The following NRG3 variants were observed in gnomAD, a reference collection of about 807,000 sequenced individuals.
The protein encoded by NRG3 is pro-neuregulin-3, membrane-bound isoform.
A neutral mutation model predicts 66.9 loss-of-function variants in NRG3; 31 were observed. The observed-to-expected ratio is 0.46, with a 90% CI of 0.35 to 0.63. The LOEUF is 0.63. Ranked by LOEUF, NRG3 falls within the 20% of genes least tolerant of loss-of-function variation. NRG3 has a pLI of 0.00. For synonymous variants in NRG3, 393 were observed against 359.4 expected (o/e 1.09, Z -1.06); for missense variants, 910 against 878.9 (o/e 1.04, Z -0.45).
intron 1 of NRG3, among the ~76,000 whole-genome samples, chr10:81,936,710 C>T (rs983440702): frequency 4.6e-5 from 7 of 152,074 alleles, no homozygotes; most frequent in Non-Finnish European, 8.8e-5. Flanking sequence ...CTGCTATAGT[C>T]AGGGTATGGG....
At chr10:81,889,083 A>G (rs750468100) in intron 1 of NRG3, 1 of 152,190 alleles carries the variant, frequency 6.6e-6, no homozygotes, top group Admixed American at 6.5e-5. Context: ...ACCCAAAATA[A>G]CAGCTTTCAA....
chr10:82,525,762 A>G (rs1846634460), intron 2 of NRG3, among the ~76,000 whole-genome samples: 1 of 152,000 alleles, frequency 6.6e-6, no homozygotes. Flanking sequence ...TATGGGAATT[A>G]TCAGAGACAG....
chr10:82,240,305 A>T (rs933614891), intron 1 of NRG3, among the ~76,000 whole-genome samples: 3 of 152,208 alleles, frequency 2.0e-5, no homozygotes, highest in Non-Finnish European at 2.9e-5. Context: ...ATGCATTTGA[A>T]TAAAAAAAAT....
chr10:82,578,524 A>G (rs1490549394), intron 2 of NRG3, among the ~76,000 whole-genome samples: 4 of 151,488 alleles, frequency 2.6e-5, no homozygotes, highest in African/African-American at 9.7e-5. Flanking sequence ...TAGTTTGCCA[A>G]TCTCGTTTAT....
chr10:82,073,466 G>A (rs1449681719), intron 1 of NRG3, among the ~76,000 whole-genome samples: 1 of 152,088 alleles, frequency 6.6e-6, no homozygotes, highest in African/African-American at 2.4e-5. Flanking sequence ...TTGACATTCT[G>A]TATATAAAAT....
chr10:82,936,414 T>G (rs368364982), intron 4 of NRG3, among the ~76,000 whole-genome samples: 1 of 152,136 alleles, frequency 6.6e-6, no homozygotes, highest in East Asian at 1.9e-4. Flanking sequence ...CTCATGGAAA[T>G]TGAGAATAGA....
chr10:82,821,241 C>G (rs1026697808), intron 3 of NRG3, among the ~76,000 whole-genome samples: 1 of 152,172 alleles, frequency 6.6e-6, no homozygotes, highest in African/African-American at 2.4e-5. Flanking sequence ...GTCACCTCCC[C>G]ACTTCCCTTT....
intron 3 of NRG3, among the ~76,000 whole-genome samples, chr10:82,808,664 G>C (rs2061379498): frequency 6.6e-6 from 1 of 152,082 alleles, no homozygotes; most frequent in Non-Finnish European, 1.5e-5. Flanking sequence ...ACCTATTTAT[G>C]ATTAATAGAA....
chr10:82,048,758 A>C (rs1412072128), intron 1 of NRG3, among the ~76,000 whole-genome samples: 1 of 151,792 alleles, frequency 6.6e-6, no homozygotes, highest in Non-Finnish European at 1.5e-5. Flanking sequence ...TCAGAGCAGA[A>C]CTGAAGGAAA....
At chr10:82,842,412 A>C (rs140314936) in intron 3 of NRG3, among the ~76,000 whole-genome samples, 132 of 152,258 alleles carry the variant, frequency 8.7e-4, no homozygotes, top group African/African-American at 2.9e-3. Flanking sequence ...AAGCTGCATC[A>C]TCTAGCCCAG....
At chr10:82,445,493 T>G (rs1251435822) in intron 2 of NRG3, among the ~76,000 whole-genome samples, 1 of 152,214 alleles carries the variant, frequency 6.6e-6, no homozygotes, top group Non-Finnish European at 1.5e-5. Flanking sequence ...GCATGCCTTC[T>G]TAGGGGCTCT....
At chr10:82,897,125 CT>C (rs1453306457) in intron 4 of NRG3, among the ~76,000 whole-genome samples, 30 of 152,256 alleles carry the variant, frequency 2.0e-4, no homozygotes, top group African/African-American at 7.0e-4. Flanking sequence ...AAAATAGAGA[CT>C]TAAAATGTAA....
intron 2 of NRG3, among the ~76,000 whole-genome samples, chr10:82,428,214 A>G (rs2089572596): frequency 6.6e-6 from 1 of 151,432 alleles, no homozygotes; most frequent in Non-Finnish European, 1.5e-5. Context: ...AATCTTTATT[A>G]TTTTCTTTTC....
At chr10:82,144,639 G>A (rs1489135165) in intron 1 of NRG3, among the ~76,000 whole-genome samples, 2 of 152,188 alleles carry the variant, frequency 1.3e-5, no homozygotes, top group Non-Finnish European at 2.9e-5. Context: ...AGAGATCTGG[G>A]AGATCAGTGC....
intron 1 of NRG3, among the ~76,000 whole-genome samples, chr10:81,989,888 GA>G (rs1324700585): frequency 2.6e-5 from 4 of 151,758 alleles, no homozygotes; most frequent in Admixed American, 6.6e-5. Context: ...TGAAAAAATG[GA>G]AAAAAAATCT....
intron 1 of NRG3, among the ~76,000 whole-genome samples, chr10:81,989,900 G>T (rs1468169862): frequency 6.6e-6 from 1 of 152,134 alleles, no homozygotes. Context: ...AAAAAAATCT[G>T]TCCAGAAGGT....
intron 2 of NRG3, among the ~76,000 whole-genome samples, chr10:82,567,360 A>G (rs147995325): frequency 2.0e-5 from 3 of 152,120 alleles, no homozygotes. Flanking sequence ...TGCAAAATTT[A>G]TCAAATGAAT....
At chr10:82,095,030 T>C (rs1308643514) in intron 1 of NRG3, among the ~76,000 whole-genome samples, 1 of 152,200 alleles carries the variant, frequency 6.6e-6, no homozygotes, top group African/African-American at 2.4e-5. Context: ...CATAAATTTA[T>C]ACAATTTTTT....
At chr10:82,670,514 T>C (rs940893858) in intron 2 of NRG3, among the ~76,000 whole-genome samples, 2 of 152,090 alleles carry the variant, frequency 1.3e-5, no homozygotes, top group African/African-American at 2.4e-5. Context: ...GGAGAGAGAG[T>C]ACCTGCTCTT....
Sources: gnomAD v4.1 joint callset for allele counts (sites outside exome capture counted in the v4.1 genomes callset) on GRCh38, gnomAD v4.1.1 for gene constraint, MANE v1.5 for transcripts, NCBI Gene and HGNC (gene_info 2026-07-23, HGNC 2026-07-21) for gene names.